BABAM2: variants seen among roughly 807,000 people sequenced by gnomAD.
The protein encoded by BABAM2 is BRISC and BRCA1-A complex member 2.
BABAM2 carries 31 observed loss-of-function variants against 54.7 expected under a neutral mutation model. The observed-to-expected ratio is 0.57, with a 90% CI of 0.43 to 0.77. The LOEUF (loss-of-function observed/expected upper bound fraction) is 0.77, where lower values mean the gene tolerates loss of function less well. Ranked by LOEUF, BABAM2 falls within the 30% of genes least tolerant of loss-of-function variation. BABAM2 has a pLI of 0.00. For synonymous variants in BABAM2, 167 were observed against 162.9 expected, an observed-to-expected ratio of 1.03 and a Z score of -0.19; for missense variants, 364 against 455.8, an observed-to-expected ratio of 0.80 and a Z score of 1.83.
chr2:28,202,335 A>T (rs1335743295), intron 7 of BABAM2, among the ~76,000 whole-genome samples: 1 of 151,914 alleles, frequency 6.6e-6, no homozygotes, highest in Non-Finnish European at 1.5e-5. Flanking sequence ...GTCTCTTCCC[A>T]CATCCCATTG....
At chr2:28,278,657 G>A (rs1252878072) in intron 10 of BABAM2, among the ~76,000 whole-genome samples, 2 of 152,232 alleles carry the variant, frequency 1.3e-5, no homozygotes, top group Non-Finnish European at 2.9e-5. Context: ...AGAAGCCACA[G>A]AGCTGGTAGA....
chr2:28,318,403 A>G (rs1689748028), intron 11 of BABAM2, among the ~76,000 whole-genome samples: 2 of 152,202 alleles, frequency 1.3e-5, no homozygotes, highest in South Asian at 4.1e-4. Context: ...AATTGTTATA[A>G]TAGAATACAG....
At chr2:28,199,902 T>C (rs141855042) in intron 7 of BABAM2, among the ~76,000 whole-genome samples, 99 of 152,320 alleles carry the variant, frequency 6.5e-4, no homozygotes, top group Non-Finnish European at 1.1e-3. Context: ...TGTGTGGAGC[T>C]GGACGGTTCC....
intron 3 of BABAM2, among the ~76,000 whole-genome samples, chr2:27,968,427 G>T (rs1162273206): frequency 3.9e-5 from 6 of 152,250 alleles, no homozygotes; most frequent in African/African-American, 1.4e-4. Context: ...GAAATGCCTG[G>T]ATGCCCAGGC....
At chr2:28,083,197 A>T (rs1007239459) in intron 6 of BABAM2, among the ~76,000 whole-genome samples, 2 of 152,142 alleles carry the variant, frequency 1.3e-5, no homozygotes, top group Middle Eastern at 3.2e-3. Flanking sequence ...CCACGTCCTG[A>T]ACTGCTGCTT....
At chr2:28,201,210 C>A (rs1678237611) in intron 7 of BABAM2, among the ~76,000 whole-genome samples, 1 of 151,880 alleles carries the variant, frequency 6.6e-6, no homozygotes, top group Admixed American at 6.6e-5. Flanking sequence ...TAGGATTTGA[C>A]TATAAGGAAA....
At chr2:28,115,931 AC>A (rs1668575479) in intron 6 of BABAM2, among the ~76,000 whole-genome samples, 1 of 151,940 alleles carries the variant, frequency 6.6e-6, no homozygotes, top group South Asian at 2.1e-4. Context: ...CCTGACCAAC[AC>A]GAAGAAACCA....
chr2:28,048,133 C>T (rs1375947447), intron 6 of BABAM2, among the ~76,000 whole-genome samples: 2 of 152,150 alleles, frequency 1.3e-5, no homozygotes, highest in Non-Finnish European at 2.9e-5. Context: ...CTTATCATTT[C>T]AAACAAATAA....
intron 6 of BABAM2, among the ~76,000 whole-genome samples, chr2:28,056,949 A>T (rs1240315994): frequency 6.6e-6 from 1 of 152,194 alleles, no homozygotes; most frequent in Non-Finnish European, 1.5e-5. Flanking sequence ...TTTTCCTCAT[A>T]AGTCTCTTAT....
At chr2:28,101,262 G>A (rs1249961390) in intron 6 of BABAM2, among the ~76,000 whole-genome samples, 1 of 152,072 alleles carries the variant, frequency 6.6e-6, no homozygotes, top group Non-Finnish European at 1.5e-5. Context: ...CATATTGCCT[G>A]ATATCTAGCA....
intron 7 of BABAM2, among the ~76,000 whole-genome samples, chr2:28,193,337 G>T (rs1392681883): frequency 6.6e-6 from 1 of 152,106 alleles, no homozygotes; most frequent in African/African-American, 2.4e-5. Flanking sequence ...CAAGGTGCTG[G>T]ATTTATGCAC....
chr2:27,933,424 TA>T, intron 3 of BABAM2, among the ~76,000 whole-genome samples: 1 of 151,956 alleles, frequency 6.6e-6, no homozygotes, highest in South Asian at 2.1e-4. Context: ...ACTATATTTA[TA>T]AAAGTTCATA....
At chr2:27,939,612 A>G (rs1035486799) in intron 3 of BABAM2, among the ~76,000 whole-genome samples, 1 of 152,256 alleles carries the variant, frequency 6.6e-6, no homozygotes, top group Non-Finnish European at 1.5e-5. Flanking sequence ...TGCTCTTAAC[A>G]ATTCAGAAAA....
chr2:28,215,566 C>T (rs536229537), intron 7 of BABAM2, among the ~76,000 whole-genome samples: 3 of 152,292 alleles, frequency 2.0e-5, no homozygotes, highest in Admixed American at 6.5e-5. Context: ...TCAAACATCT[C>T]GTTGTTTGAA....
chr2:28,012,796 C>G (rs762693028), intron 4 of BABAM2, among the ~76,000 whole-genome samples: 71 of 152,266 alleles, frequency 4.7e-4, no homozygotes, highest in Middle Eastern at 3.4e-3. Context: ...TCATTCCTGT[C>G]CCACTTGAGG....
chr2:27,894,639 G>C lies in BABAM2; in HGVS notation c.83G>C (p.Gly28Ala). The C allele has an allele frequency of 6.2e-7, 1 of 1,614,158 alleles. No homozygotes were observed. The highest frequency in any genetic ancestry group is 1.1e-5 in the South Asian group (1 of 91,080). Residue 28 changes from glycine (G) to alanine (A), a missense_variant, in exon 2 of 12, where the codon GGA becomes GCA. Transcript: ENST00000379624. ...ISSVVRNGKV[G>A]LDATNCLRIT... is the part of the protein sequence containing the mutation. ...AGCGTGGTCCGGAATGGAAAAGTGG[G>C]ACTGGATGCTACAAACTGTTTGAGG...
chr2:28,211,357 T>A (rs934088766), intron 7 of BABAM2, among the ~76,000 whole-genome samples: 9 of 151,634 alleles, frequency 5.9e-5, no homozygotes, highest in African/African-American at 2.2e-4. Flanking sequence ...TTGGTCATAC[T>A]TATCCATGTA....
In BABAM2 at chr2:28,129,390, A is replaced by G. The variant is rs762840692; in HGVS notation, c.680+10A>G. ...CACCTCGAATTGAGCAGTAAGTGTC[A>G]TTAACATGAGGTAGCCTGGTGCTAC... On this transcript the variant is annotated intron_variant, in intron 7 of 11. Coordinates refer to ENST00000379624, the MANE Select transcript of BABAM2 (RefSeq NM_199191.3). The G allele has an allele frequency of 3.7e-6, 6 of 1,601,994 alleles. No individual in the cohort carries two copies. The East Asian group carries it at 1.1e-4, about 30-fold the overall frequency.
chr2:28,250,339 T>C (rs888569963), intron 10 of BABAM2, among the ~76,000 whole-genome samples: 13 of 149,598 alleles, frequency 8.7e-5, no homozygotes, highest in Admixed American at 6.7e-4. Context: ...TTTTTTTTTT[T>C]AGCTATCTAA....
Sources: allele counts gnomAD v4.1 joint callset (sites outside exome capture counted in the v4.1 genomes callset), GRCh38; gene constraint gnomAD v4.1.1; transcripts MANE v1.5; gene names NCBI Gene and HGNC (gene_info 2026-07-23, HGNC 2026-07-21).